The following ZHX2 variants were observed in gnomAD, a reference collection of about 807,000 sequenced individuals.
The protein encoded by ZHX2 is zinc fingers and homeoboxes protein 2.
In ZHX2, 6 loss-of-function variants were observed where a neutral mutation model predicts 21.9. The ratio of observed to expected loss-of-function variants is 0.27; its 90% confidence interval spans 0.15 to 0.54. ZHX2 has a LOEUF of 0.54. Ranked by LOEUF, ZHX2 falls within the 20% of genes least tolerant of loss-of-function variation. The probability of loss-of-function intolerance (pLI) is 0.95; values close to 1 mark genes in which losing one functional copy is unlikely to be tolerated. For synonymous variants in ZHX2, 434 were observed against 437.1 expected, an observed-to-expected ratio of 0.99 and a Z score of 0.09; for missense variants, 908 against 1,090.7, an observed-to-expected ratio of 0.83 and a Z score of 2.36.
At chr8:122,919,985 G>C (rs1186370553) in intron 2 of ZHX2, among the ~76,000 whole-genome samples, 2 of 152,060 alleles carry the variant, frequency 1.3e-5, no homozygotes, top group African/African-American at 4.8e-5. Context: ...ACAGAAATTT[G>C]AATTGAGGCT....
At position 122,810,828 on chromosome 8, in the gene ZHX2, C is replaced by T. The variant is rs1041277871; in HGVS notation, c.-283+28882C>T. ...TTATTATACTTTAAGTTTTAGGGTA[C>T]GTGTGCACATTGTGCAGGTTAGTTA... On this transcript the variant is annotated intron_variant, in intron 1 of 3. Coordinates refer to ENST00000314393, the MANE Select transcript of ZHX2 (RefSeq NM_014943.5). Among the ~76,000 whole-genome samples the T allele has an allele frequency of 4.0e-5, 6 of 151,576 alleles. No individual in the cohort carries two copies. The South Asian group carries it at 6.2e-4, about 16-fold the overall frequency.
At chr8:122,844,719 C>T (rs1818715849) in intron 1 of ZHX2, among the ~76,000 whole-genome samples, 1 of 152,140 alleles carries the variant, frequency 6.6e-6, no homozygotes, top group Non-Finnish European at 1.5e-5. Context: ...CTCTCTCTCT[C>T]TTTCTCTCTC....
chr8:122,876,667 T>C (rs1371959598), intron 2 of ZHX2, among the ~76,000 whole-genome samples: 2 of 152,210 alleles, frequency 1.3e-5, no homozygotes, highest in African/African-American at 4.8e-5. Context: ...GGTAGCGTGA[T>C]AGCATTATTA....
At chr8:122,929,977 T>C (rs1820945071) in intron 2 of ZHX2, among the ~76,000 whole-genome samples, 8 of 152,224 alleles carry the variant, frequency 5.3e-5, no homozygotes, top group Admixed American at 5.2e-4. Context: ...CTGTAGCTCT[T>C]GTTTGTACAA....
At chr8:122,812,042 A>G (rs574814911) in intron 1 of ZHX2, 1 of 152,358 alleles carries the variant, frequency 6.6e-6, no homozygotes, top group Non-Finnish European at 1.5e-5. Flanking sequence ...ATCATAGACT[A>G]TGCTAGAAAG....
At chr8:122,941,812 T>C (rs1271085732) in intron 2 of ZHX2, among the ~76,000 whole-genome samples, 2 of 152,238 alleles carry the variant, frequency 1.3e-5, no homozygotes, top group Admixed American at 6.5e-5. Flanking sequence ...GCGTGACTTC[T>C]GATTAAAAAT....
chr8:122,905,334 G>T (rs1310319880), intron 2 of ZHX2, among the ~76,000 whole-genome samples: 1 of 152,164 alleles, frequency 6.6e-6, no homozygotes, highest in African/African-American at 2.4e-5. Flanking sequence ...CACAGCACCA[G>T]ATTTCTAATC....
chr8:122,969,576 C>T (rs1018990655), intron 3 of ZHX2, among the ~76,000 whole-genome samples: 8 of 152,120 alleles, frequency 5.3e-5, no homozygotes, highest in African/African-American at 1.9e-4. Context: ...GGAAAAAATG[C>T]AACCAGAAAG....
chr8:122,930,543 G>A (rs1054555755), intron 2 of ZHX2, among the ~76,000 whole-genome samples: 6 of 143,408 alleles, frequency 4.2e-5, no homozygotes, highest in Non-Finnish European at 9.0e-5. Context: ...CATCCCACAC[G>A]TGTCCTGAGA....
chr8:122,830,228 G>T (rs1818345309), intron 1 of ZHX2, among the ~76,000 whole-genome samples: 1 of 152,206 alleles, frequency 6.6e-6, no homozygotes, highest in Admixed American at 6.5e-5. Context: ...TAAACAGGAA[G>T]TGTCCTAGTC....
At chr8:122,960,926 G>C (rs1667813941) in intron 3 of ZHX2, among the ~76,000 whole-genome samples, 1 of 152,192 alleles carries the variant, frequency 6.6e-6, no homozygotes, top group Admixed American at 6.5e-5. Flanking sequence ...TGGGCATTCA[G>C]ACCCATCTGC....
At chr8:122,883,822 G>A (rs1192119956) in intron 2 of ZHX2, among the ~76,000 whole-genome samples, 2 of 152,230 alleles carry the variant, frequency 1.3e-5, no homozygotes, top group Non-Finnish European at 2.9e-5. Context: ...GATGAAAGTT[G>A]TAACACCAGG....
chr8:122,800,028 T>C (rs1817687048), intron 1 of ZHX2, among the ~76,000 whole-genome samples: 1 of 152,162 alleles, frequency 6.6e-6, no homozygotes, highest in Non-Finnish European at 1.5e-5. Flanking sequence ...CGGCTGATTT[T>C]GTATTTTTAG....
At chr8:122,836,584 C>T (rs1025090519) in intron 1 of ZHX2, among the ~76,000 whole-genome samples, 4 of 152,342 alleles carry the variant, frequency 2.6e-5, no homozygotes, top group Admixed American at 2.6e-4. Flanking sequence ...CCTAAAATGG[C>T]ATCAGCACCA....
rs35726514 is a variant in ZHX2 at position 122,787,088 on chromosome 8, GGT to G, written c.-283+5167_-283+5168del. On this transcript the variant is annotated intron_variant, in intron 1 of 3. Coordinates refer to ENST00000314393, the MANE Select transcript of ZHX2 (RefSeq NM_014943.5). ...CAGTTAAGAGGGGTTGATTGGCAGTGGTGTGTGTGTGTGTGTGTGTGTGTGTA... is the reference window on the plus strand; with the variant it reads ...CAGTTAAGAGGGGTTGATTGGCAGTGGTGTGTGTGTGTGTGTGTGTGTGTA... Among the ~76,000 whole-genome samples the G allele has an allele frequency of 6.7e-3, 996 of 148,414 alleles. 15 individuals carry two copies. Among genetic ancestry groups the G allele is most frequent in the East Asian group, 0.042 (211 of 5,018 alleles).
chr8:122,787,905 A>G (rs1281997992), intron 1 of ZHX2, among the ~76,000 whole-genome samples: 1 of 152,220 alleles, frequency 6.6e-6, no homozygotes, highest in Non-Finnish European at 1.5e-5. Flanking sequence ...GCATGCCTGC[A>G]TATGCTGTGC....
intron 1 of ZHX2, among the ~76,000 whole-genome samples, chr8:122,831,363 G>T (rs1195780510): frequency 6.6e-6 from 1 of 152,188 alleles, no homozygotes; most frequent in Non-Finnish European, 1.5e-5. Flanking sequence ...TGGCTGGAAA[G>T]GTGAGGACAA....
At chr8:122,972,820 G>A (rs80026858) in intron 3 of ZHX2, among the ~76,000 whole-genome samples, 3,097 of 152,198 alleles carry the variant, frequency 0.02, 98 homozygotes, top group African/African-American at 0.07. Flanking sequence ...AAGTCCTATA[G>A]GTACAGCCCT....
intron 3 of ZHX2, among the ~76,000 whole-genome samples, chr8:122,970,036 A>G (rs1813679833): frequency 6.6e-6 from 1 of 152,162 alleles, no homozygotes; most frequent in African/African-American, 2.4e-5. Flanking sequence ...GGACGTGTTC[A>G]CCGAGAGCCT....
Sources: gnomAD v4.1 joint callset for allele counts (sites outside exome capture counted in the v4.1 genomes callset) on GRCh38, gnomAD v4.1.1 for gene constraint, MANE v1.5 for transcripts, NCBI Gene and HGNC (gene_info 2026-07-23, HGNC 2026-07-21) for gene names.